HSF5: variants seen among roughly 807,000 people sequenced by gnomAD.
HSF5 encodes the protein heat shock factor protein 5.
In HSF5, 5 loss-of-function variants were observed where a neutral mutation model predicts 50.8. The ratio of observed to expected loss-of-function variants is 0.10; its 90% confidence interval spans 0.05 to 0.21. The LOEUF is 0.21. Among genes scored for constraint, HSF5 ranks in the 10% least tolerant of loss-of-function variants. The probability of loss-of-function intolerance (pLI) is 1.00; values close to 1 mark genes in which losing one functional copy is unlikely to be tolerated. For synonymous variants in HSF5, 307 were observed against 307.4 expected (o/e 1.00, Z 0.02); for missense variants, 564 against 762.6 (o/e 0.74, Z 3.07).
At chr17:58,448,825 T>C (rs968712228) in intron 5 of HSF5, among the ~76,000 whole-genome samples, 2 of 152,210 alleles carry the variant, frequency 1.3e-5, no homozygotes, top group African/African-American at 4.8e-5. Flanking sequence ...AATTGTGATA[T>C]ATAAACCACT....
intron 1 of HSF5, among the ~76,000 whole-genome samples, chr17:58,480,805 A>ATCTG (rs1555644442): frequency 3.3e-5 from 5 of 151,592 alleles, no homozygotes; most frequent in Non-Finnish European, 5.9e-5. Context: ...CTATCTATCT[A>ATCTG]GCAACCGGGT....
Position 58,466,931 on chromosome 17 carries a change from C to A in HSF5, c.974G>T (p.Cys325Phe). ...SPTHMDALSS[C>F]VTPTASSYAH... Reference sequence around the variant, plus strand: ...ATAGGAAGAGGCAGTGGGAGTGACACAACTACTTAGAGCATCCATGTGGGT... The same window carrying A: ...ATAGGAAGAGGCAGTGGGAGTGACAAAACTACTTAGAGCATCCATGTGGGT... Residue 325 changes from cysteine to phenylalanine, a missense_variant, in exon 3 of 6, where the codon TGT (cysteine) becomes TTT (phenylalanine). Around this residue, in one of 5 missense-constraint regions of HSF5, gnomAD observed 441 missense variants for 533.6 expected, o/e 0.83. Coordinates refer to ENST00000323777, the MANE Select transcript of HSF5 (RefSeq NM_001080439.3). 1.9e-6 allele frequency: 3 copies of A among 1,612,234 alleles called. No homozygotes were observed. Among genetic ancestry groups the A allele is most frequent in the South Asian group, 1.1e-5 (1 of 91,050 alleles).
In HSF5 at chr17:58,488,184, G is replaced by A. The variant is rs1210042820; in HGVS notation, c.91C>T (p.Arg31Cys). Residue 31 changes from arginine (R) to cysteine (C), a missense_variant, in exon 1 of 6, where the codon CGC becomes TGC. This residue lies in a region of HSF5 where 72 missense variants were observed against 110.9 expected (regional missense o/e 0.65). Transcript: ENST00000323777. This position sits in a 1 kb window ranked among gnomAD's most constrained non-coding sequence, Gnocchi z 4.1. ...AGCCCCTCGCCGCGGCCGTCCCAGC[G>A]GATGGAGCGGTAGCGCGGGCTGTTC... ...LVNSPRYRSI[R>C]WDGRGEGLLI... is the part of the protein sequence containing the mutation. The A allele has an allele frequency of 6.5e-7, 1 of 1,532,596 alleles. No individual in the cohort carries two copies. Among genetic ancestry groups the A allele is most frequent in the South Asian group, 1.2e-5 (1 of 81,448 alleles). 94.9% of individuals were successfully genotyped at this position (1,532,596 alleles called of 1,614,324 possible). A position where few individuals can be genotyped will look rare whatever the true frequency, so the allele number is the denominator to read the frequency against.
chr17:58,452,678 CACCAT>C (rs1420076208), intron 5 of HSF5, among the ~76,000 whole-genome samples: 1 of 152,206 alleles, frequency 6.6e-6, no homozygotes, highest in Non-Finnish European at 1.5e-5. Context: ...GGCGTCACCG[CACCAT>C]CTGGGAAGTG....
At chr17:58,478,917 T>C (rs955350201) in intron 2 of HSF5, among the ~76,000 whole-genome samples, 1 of 151,844 alleles carries the variant, frequency 6.6e-6, no homozygotes, top group Non-Finnish European at 1.5e-5. Flanking sequence ...ACAACTTTTT[T>C]TTTTCCCCAA....
At chr17:58,451,897 A>G (rs1490665952) in intron 5 of HSF5, among the ~76,000 whole-genome samples, 1 of 150,548 alleles carries the variant, frequency 6.6e-6, no homozygotes, top group African/African-American at 2.4e-5. Flanking sequence ...CAAAACAAAG[A>G]GCTGTTTTTT....
rs916444405 is a variant in HSF5, at chr17:58,441,340, C to T, written c.1720+17428G>A. On this transcript the variant is annotated intron_variant, in intron 5 of 5. Transcript: ENST00000323777. ...TAACTGAGTGATAATGGAAATACAA[C>T]ACCAAACTTTGCTGGATGCAGCTGA... is the stretch of plus-strand genomic sequence containing the variant. Among the ~76,000 whole-genome samples, 3 of 152,048 alleles carry T rather than the reference C, an allele frequency of 2.0e-5. No homozygotes were observed. In the South Asian group the frequency reaches 6.2e-4, roughly 32 times the overall value.
At chr17:58,457,319 C>T (rs997162091) in intron 5 of HSF5, among the ~76,000 whole-genome samples, 1 of 150,116 alleles carries the variant, frequency 6.7e-6, no homozygotes, top group Non-Finnish European at 1.5e-5. Flanking sequence ...GAAAAAAGGG[C>T]CAGGCATGGT....
At chr17:58,450,022 C>CAAAAAAAAAAA (rs71143248) in intron 5 of HSF5, among the ~76,000 whole-genome samples, 1 of 76,570 alleles carries the variant, frequency 1.3e-5, no homozygotes, top group Non-Finnish European at 2.5e-5. Flanking sequence ...GACTCCGTCT[C>CAAAAAAAAAAA]AAAAAAAAAA....
chr17:58,445,466 A>G (rs1415534922), intron 5 of HSF5, among the ~76,000 whole-genome samples: 3 of 152,260 alleles, frequency 2.0e-5, no homozygotes, highest in Admixed American at 1.3e-4. Context: ...CAGTGGCACT[A>G]TTCACAATAG....
chr17:58,422,063 T>G lies in HSF5; in HGVS notation c.*297A>C. ...TTCTTAGTACCATAGATGGAGCAGT[T>G]TTTAGATGCTCCTTGACTATAACAG... is the stretch of plus-strand genomic sequence containing the variant. On this transcript the variant is annotated 3_prime_UTR_variant, in exon 6 of 6. Coordinates refer to ENST00000323777, the MANE Select transcript of HSF5 (RefSeq NM_001080439.3). The G allele has an allele frequency of 3.4e-6, 1 of 291,858 alleles. No individual in the cohort carries two copies. The allele number at this position is 291,858 out of a possible 1,614,324, so 18.1% of individuals were successfully genotyped here.
Position 58,488,300 on chromosome 17 carries a change from C to A in HSF5, c.-26G>T, listed in dbSNP as rs1447534896. On this transcript the variant is annotated 5_prime_UTR_variant, in exon 1 of 6. Coordinates refer to ENST00000323777, the MANE Select transcript of HSF5 (RefSeq NM_001080439.3). The surrounding 1 kb of genome is among the most constrained non-coding windows in gnomAD (Gnocchi z 4.1). ...CGCCCCGCCGGGCCGGGGCCTCGCCCCCCGAGCCTAGCTCTCCCACACCGT... is the reference window on the plus strand; with the variant it reads ...CGCCCCGCCGGGCCGGGGCCTCGCCACCCGAGCCTAGCTCTCCCACACCGT... 2 of 1,450,772 alleles carry A rather than the reference C, an allele frequency of 1.4e-6. No individual in the cohort carries two copies. The highest frequency in any genetic ancestry group is 2.8e-5 in the Admixed American group (1 of 35,860). 89.9% of individuals were successfully genotyped at this position (1,450,772 alleles called of 1,614,324 possible).
chr17:58,420,613 G>C lies in HSF5; in HGVS notation c.*1747C>G, dbSNP rs1361631134. On this transcript the variant is annotated 3_prime_UTR_variant, in exon 6 of 6. Coordinates refer to ENST00000323777, the MANE Select transcript of HSF5 (RefSeq NM_001080439.3). ...AGCTCTTCAACATGACAGAGAAAAA[G>C]CAAAGTTCCTTCATTTGGAAATTGG... The C allele has an allele frequency of 6.6e-6, 1 of 152,136 alleles. No homozygotes were observed. The highest frequency in any genetic ancestry group is 1.5e-5 in the Non-Finnish European group (1 of 68,020). 9.4% of individuals were successfully genotyped at this position (152,136 alleles called of 1,614,324 possible).
At chr17:58,450,513 G>A (rs2143762125) in intron 5 of HSF5, among the ~76,000 whole-genome samples, 1 of 152,112 alleles carries the variant, frequency 6.6e-6, no homozygotes, top group South Asian at 2.1e-4. Context: ...CAGCACTTTG[G>A]GAGGCTGAGG....
At chr17:58,471,476 A>G (rs1475398306) in intron 2 of HSF5, among the ~76,000 whole-genome samples, 2 of 152,218 alleles carry the variant, frequency 1.3e-5, no homozygotes, top group African/African-American at 2.4e-5. Flanking sequence ...TAGAATTTAA[A>G]TGTACTTTAA....
intron 5 of HSF5, among the ~76,000 whole-genome samples, chr17:58,444,067 C>T (rs1225521794): frequency 6.6e-6 from 1 of 152,136 alleles, no homozygotes; most frequent in Non-Finnish European, 1.5e-5. Flanking sequence ...CAAAACAGTA[C>T]TGAAAGAAAT....
Position 58,480,050 on chromosome 17 carries a change from A to G in HSF5, c.768T>C (p.Pro256=), listed in dbSNP as rs778317774. ...CCTCAGTTGGAAACCTCTGGAGTAC[A>G]GGAAACGGAACCCCTTTATCTGAAA... The part of the protein sequence containing the change: ...PTFSDKGVPF[P]VLQRFPTEVT... Residue 256 remains proline, a synonymous_variant, in exon 2 of 6, where the codon CCT becomes CCC. Coordinates refer to ENST00000323777, the MANE Select transcript of HSF5 (RefSeq NM_001080439.3). The G allele has an allele frequency of 5.6e-6, 9 of 1,614,090 alleles. No homozygotes were observed. In the Admixed American group the frequency reaches 1.3e-4, roughly 24 times the overall value.
intron 5 of HSF5, among the ~76,000 whole-genome samples, chr17:58,449,808 G>A (rs1343298765): frequency 6.6e-6 from 1 of 151,554 alleles, no homozygotes; most frequent in Non-Finnish European, 1.5e-5. Flanking sequence ...CGGATCACGA[G>A]GTCAGGAGAT....
intron 5 of HSF5, among the ~76,000 whole-genome samples, chr17:58,438,191 T>C (rs1000641939): frequency 2.6e-5 from 4 of 152,226 alleles, no homozygotes; most frequent in African/African-American, 9.6e-5. Flanking sequence ...CTATTTTTAC[T>C]GTACCATTTC....
Sources: allele counts gnomAD v4.1 joint callset (sites outside exome capture counted in the v4.1 genomes callset), GRCh38; gene constraint gnomAD v4.1.1; regional missense constraint gnomAD v4.1.1; non-coding constraint Gnocchi (gnomAD v3.1); transcripts MANE v1.5; gene names NCBI Gene and HGNC (gene_info 2026-07-23, HGNC 2026-07-21).